The following TOPORS variants were observed in gnomAD, a reference collection of about 807,000 sequenced individuals.
TOPORS encodes E3 ubiquitin-protein ligase Topors.
TOPORS carries 25 observed loss-of-function variants against 81.4 expected under a neutral mutation model. The observed-to-expected ratio is 0.31, with a 90% CI of 0.22 to 0.43. The LOEUF (loss-of-function observed/expected upper bound fraction) is 0.43. Ranked by LOEUF, TOPORS falls within the 20% of genes least tolerant of loss-of-function variation. The probability of loss-of-function intolerance (pLI) is 1.00; values close to 1 mark genes in which losing one functional copy is unlikely to be tolerated. For synonymous variants in TOPORS, 473 were observed against 456.6 expected, an observed-to-expected ratio of 1.04 and a Z score of -0.46; for missense variants, 1,101 against 1,267.0, an observed-to-expected ratio of 0.87 and a Z score of 1.99.
At chr9:32,549,639 T>A (rs1353762690) in intron 2 of TOPORS, among the ~76,000 whole-genome samples, 2 of 152,198 alleles carry the variant, frequency 1.3e-5, no homozygotes, top group Non-Finnish European at 2.9e-5. Flanking sequence ...TCATCACCCA[T>A]AACTGATTAT....
intron 1 of TOPORS, chr9:32,551,206 G>T: frequency 1.6e-6 from 1 of 607,230 alleles, no homozygotes; most frequent in Middle Eastern, 4.4e-4. Context: ...CTGGTACTCA[G>T]CCACTGGGGA....
chr9:32,544,590 T>C (rs1236228162), intron 2 of TOPORS, among the ~76,000 whole-genome samples: 1 of 152,228 alleles, frequency 6.6e-6, no homozygotes, highest in African/African-American at 2.4e-5. Flanking sequence ...CTCTGTGCTT[T>C]AATTTCATCT....
chr9:32,550,670 G>C, intron 2 of TOPORS, 104 bp downstream of exon 2: 1 of 1,369,942 alleles, frequency 7.3e-7, no homozygotes, highest in Non-Finnish European at 1.0e-6. Flanking sequence ...AGCCCCGCAG[G>C]CCATGACCGC....
At chr9:32,552,251 T>C (rs1485171007) in intron 1 of TOPORS, 183 bp downstream of exon 1, 4 of 748,004 alleles carry the variant, frequency 5.3e-6, no homozygotes, top group South Asian at 4.8e-5. Context: ...AGGCCCCCGA[T>C]CACGTGATAC....
chr9:32,551,344 G>A, intron 1 of TOPORS: 1 of 375,472 alleles, frequency 2.7e-6, no homozygotes, highest in Non-Finnish European at 5.1e-6. Flanking sequence ...GGAATTGTTA[G>A]ATGGACTTGA....
Position 32,543,098 on chromosome 9 carries a change from T to C in TOPORS, c.1427A>G (p.Asp476Gly), listed in dbSNP as rs1438672157. The change falls in exon 3 of 3, where the codon GAT becomes GGT. Residue 476 changes from aspartate to glycine, a missense_variant. Asp to Gly is a moderately conservative substitution (Grantham distance 94). Coordinates refer to ENST00000360538, the MANE Select transcript of TOPORS (RefSeq NM_005802.5). This position sits in a 1 kb window ranked among gnomAD's most constrained non-coding sequence, Gnocchi z 5.6. ...AACAAACCCAACAATGACACAATTA[T>C]CTGAAGAATCATCACTGTCATTATT... ...DLNNDSDDSS[D>G]NCVIVGFVKP... 3 of 1,614,062 alleles carry C rather than the reference T, an allele frequency of 1.9e-6. No homozygotes were observed. The highest frequency in any genetic ancestry group is 1.7e-5 in the Admixed American group (1 of 60,014).
intron 1 of TOPORS, 177 bp downstream of exon 1, chr9:32,552,257 G>C (rs928451141): frequency 1.3e-5 from 11 of 823,952 alleles, no homozygotes; most frequent in Admixed American, 2.3e-5. Flanking sequence ...CCGATCACGT[G>C]ATACCGCCCC....
chr9:32,544,222 A>C lies in TOPORS; in HGVS notation c.303T>G (p.Ser101=). ...QTVPADASPD[S]KCPICLDRFD... is the part of the protein sequence containing the mutation. The stretch of plus-strand genomic sequence containing the variant: ...ATCTATCCAAGCATATAGGACACTT[A>C]GAATCAGGAGATGCATCAGCTGGTA... Residue 101 remains serine (S), a synonymous_variant, in exon 3 of 3, where the codon TCT becomes TCG. Coordinates refer to ENST00000360538, the MANE Select transcript of TOPORS (RefSeq NM_005802.5). 6.2e-7 allele frequency: 1 copy of C among 1,611,672 alleles called. No homozygotes were observed. The highest frequency in any genetic ancestry group is 1.1e-5 in the South Asian group (1 of 91,086).
At chr9:32,551,191 TG>T (rs1821249188) in intron 1 of TOPORS, 1 of 620,298 alleles carries the variant, frequency 1.6e-6, no homozygotes, top group Non-Finnish European at 2.9e-6. Flanking sequence ...CTCCCCATCT[TG>T]TTACTGGTAC....
chr9:32,549,695 T>C (rs1026354555), intron 2 of TOPORS, among the ~76,000 whole-genome samples: 2 of 152,174 alleles, frequency 1.3e-5, no homozygotes, highest in Non-Finnish European at 2.9e-5. Context: ...ATAATCATCA[T>C]ACTTAATATA....
rs554207050 is a variant in TOPORS, at chr9:32,552,373, G to A, written c.3+61C>T. The A allele has an allele frequency of 3.3e-5, 53 of 1,599,040 alleles. No individual in the cohort carries two copies. The African/African-American group carries it at 6.0e-4, about 18-fold the overall frequency. ...GCTGGCGCCTGGCAGCCACCGCCTG[G>A]GAGGTTACTGTAAGGCCCGCAGCTC... On this transcript the variant is annotated intron_variant, in intron 1 of 2. Transcript: ENST00000360538.
At chr9:32,545,928 A>C (rs773738262) in intron 2 of TOPORS, among the ~76,000 whole-genome samples, 1 of 152,164 alleles carries the variant, frequency 6.6e-6, no homozygotes, top group Non-Finnish European at 1.5e-5. Flanking sequence ...GGCCTTAACA[A>C]ACTATAAGAA....
rs1293652266 is a variant in TOPORS at position 32,541,452 on chromosome 9, G to A, written c.3073C>T (p.Gln1025Ter). The A allele has an allele frequency of 6.2e-7, 1 of 1,614,174 alleles. No homozygotes were observed. The highest frequency in any genetic ancestry group is 2.2e-5 in the East Asian group (1 of 44,884). ...IVSLQTEPSR[Q>*]LPSPRTSLMS... is the part of the protein sequence containing the mutation. Reference sequence around the variant, plus strand: ...AATGATGTCCGTGGCGATGGCAATTGCCTTGATGGCTCAGTTTGAAGAGAC... The same window carrying A: ...AATGATGTCCGTGGCGATGGCAATTACCTTGATGGCTCAGTTTGAAGAGAC... Residue 1025 changes from glutamine (Q) to a stop codon, truncating the protein, a stop_gained, in exon 3 of 3, where the codon CAA (glutamine) becomes TAA (stop). Transcript: ENST00000360538. LOFTEE classifies it high-confidence loss of function.
chr9:32,542,949 C>T lies in TOPORS; in HGVS notation c.1576G>A (p.Asp526Asn). The T allele has an allele frequency of 6.2e-7, 1 of 1,614,180 alleles. No individual in the cohort carries two copies. The highest frequency in any genetic ancestry group is 8.5e-7 in the Non-Finnish European group (1 of 1,180,022). Reference protein sequence around the residue: ...QEQEQSYSSGDSDVSRCSSPH... With the variant: ...QEQEQSYSSGNSDVSRCSSPH... ...GATGAGCATCTACTAACATCGCTATCACCAGAACTGTAAGATTGCTCCTGT... is the reference window on the plus strand; with the variant it reads ...GATGAGCATCTACTAACATCGCTATTACCAGAACTGTAAGATTGCTCCTGT... The change falls in exon 3 of 3, where the codon GAT (aspartate) becomes AAT (asparagine). Residue 526 changes from aspartate to asparagine, a missense_variant. Asp to Asn is a conservative substitution (Grantham distance 23). This residue lies in a region of TOPORS where 605 missense variants were observed against 636.1 expected (regional missense o/e 0.95). Transcript: ENST00000360538.
chr9:32,552,311 G>C (rs2118987066), intron 1 of TOPORS, 123 bp downstream of exon 1: 1 of 1,393,890 alleles, frequency 7.2e-7, no homozygotes, highest in African/African-American at 1.4e-5. Flanking sequence ...TGCACGAAGC[G>C]AGTGGGCGGG....
In TOPORS at chr9:32,552,540, G is replaced by T; in HGVS notation, c.-104C>A. The stretch of plus-strand genomic sequence containing the variant: ...ACTCACTGGGCCCGCAGGCGGAAAG[G>T]CCCTATTTCTTCAGCACCCAGAAAC... On this transcript the variant is annotated 5_prime_UTR_variant, in exon 1 of 3. Transcript: ENST00000360538. 1 of 1,477,548 alleles carries T rather than the reference G, an allele frequency of 6.8e-7. No homozygotes were observed. The highest frequency in any genetic ancestry group is 9.3e-7 in the Non-Finnish European group (1 of 1,078,438). 91.5% of individuals were successfully genotyped at this position (1,477,548 alleles called of 1,614,324 possible).
Position 32,542,003 on chromosome 9 carries a change from T to A in TOPORS, c.2522A>T (p.Asp841Val). The change falls in exon 3 of 3, where the codon GAT (aspartate) becomes GTT (valine). Residue 841 changes from aspartate (D) to valine (V), a missense_variant. This residue lies in a region of TOPORS where 605 missense variants were observed against 636.1 expected (regional missense o/e 0.95). Coordinates refer to ENST00000360538, the MANE Select transcript of TOPORS (RefSeq NM_005802.5). ...TGATGATCGGCTGTCTGAAAAGGTATCACTCTCATTTTTGTAGTTTCCATC... is the reference window on the plus strand; with the variant it reads ...TGATGATCGGCTGTCTGAAAAGGTAACACTCTCATTTTTGTAGTTTCCATC... The part of the protein sequence containing the change: ...KLDGNYKNES[D>V]TFSDSRSSDR... 1.2e-6 allele frequency: 2 copies of A among 1,614,106 alleles called. No individual in the cohort carries two copies. The highest frequency in any genetic ancestry group is 1.7e-6 in the Non-Finnish European group (2 of 1,180,028).
At position 32,542,526 on chromosome 9, in the gene TOPORS, T is replaced by C; in HGVS notation, c.1999A>G (p.Thr667Ala). The C allele has an allele frequency of 6.2e-7, 1 of 1,614,136 alleles. No homozygotes were observed. Among genetic ancestry groups the C allele is most frequent in the Non-Finnish European group, 8.5e-7 (1 of 1,180,038 alleles). ...CTGCTACGAGACCTTGATCTGCTTGTGCTTTCACTACTTAGAGACAGAGTT... is the reference window on the plus strand; with the variant it reads ...CTGCTACGAGACCTTGATCTGCTTGCGCTTTCACTACTTAGAGACAGAGTT... ...SQTLSLSSES[T>A]SRSRSRSSDH... Residue 667 changes from threonine (T) to alanine (A), a missense_variant, in exon 3 of 3, where the codon ACA becomes GCA. Transcript: ENST00000360538.
rs189362662 is a variant in TOPORS, at chr9:32,552,497, C to T, written c.-61G>A. On this transcript the variant is annotated 5_prime_UTR_variant, in exon 1 of 3. Coordinates refer to ENST00000360538, the MANE Select transcript of TOPORS (RefSeq NM_005802.5). ...ATTCAGTGGTAAGTCCCGGGGATCG[C>T]GGGCCCCCACCGTGTCGACTCACTG... 1,844 of 1,575,322 alleles carry T rather than the reference C, an allele frequency of 1.2e-3. 5 individuals are homozygous for T. Among genetic ancestry groups the T allele is most frequent in the Admixed American group, 2.0e-3 (106 of 54,338 alleles).
Sources: allele counts gnomAD v4.1 joint callset (sites outside exome capture counted in the v4.1 genomes callset), GRCh38; gene constraint gnomAD v4.1.1; regional missense constraint gnomAD v4.1.1; non-coding constraint Gnocchi (gnomAD v3.1); transcripts MANE v1.5; gene names NCBI Gene and HGNC (gene_info 2026-07-23, HGNC 2026-07-21).